The following GC variants were observed in gnomAD, a reference collection of about 807,000 sequenced individuals.
GC encodes vitamin D-binding protein.
A neutral mutation model predicts 56.7 loss-of-function variants in GC; 43 were observed. That is an observed-to-expected ratio of 0.76 (90% CI 0.59 to 0.98). GC has a LOEUF of 0.98. Among genes scored for constraint, GC ranks in the 50% least tolerant of loss-of-function variants. The pLI is 0.00. For synonymous variants in GC, 216 were observed against 202.7 expected (o/e 1.07, Z -0.56); for missense variants, 529 against 545.9 (o/e 0.97, Z 0.31).
chr4:71,768,488 A>G, intron 2 of GC, 55 bp from the exon 3 acceptor site: 1 of 1,428,444 alleles, frequency 7.0e-7, no homozygotes, highest in Non-Finnish European at 9.6e-7. Flanking sequence ...TTTTTTTTTG[A>G]GACGGAGTCT....
At chr4:71,760,250 C>T (rs1264027287) in intron 6 of GC, among the ~76,000 whole-genome samples, 1 of 148,368 alleles carries the variant, frequency 6.7e-6, no homozygotes, top group Non-Finnish European at 1.5e-5. Flanking sequence ...GACGGGGTTT[C>T]ATCGTGTTAG....
At chr4:71,750,027 CAATAA>C (rs1741495248) in intron 11 of GC, among the ~76,000 whole-genome samples, 1 of 151,896 alleles carries the variant, frequency 6.6e-6, no homozygotes, top group African/African-American at 2.4e-5. Flanking sequence ...AGGCACTGTA[CAATAA>C]AATAAAACAA....
intron 1 of GC, 172 bp from the exon 2 acceptor site, chr4:71,769,572 G>C (rs903109796): frequency 1.8e-6 from 1 of 554,628 alleles, no homozygotes; most frequent in African/African-American, 1.9e-5. Context: ...CTCATAACAG[G>C]CCACAATTTT....
At chr4:71,777,007 G>A (rs971092505) in intron 1 of GC, among the ~76,000 whole-genome samples, 5 of 151,824 alleles carry the variant, frequency 3.3e-5, no homozygotes, top group Admixed American at 6.6e-5. Context: ...TGCATTTGAA[G>A]TCCAACAGAT....
intron 1 of GC, among the ~76,000 whole-genome samples, chr4:71,798,980 T>C (rs138293569): frequency 8.9e-4 from 135 of 152,342 alleles, no homozygotes; most frequent in East Asian, 3.3e-3. Context: ...TCAATGGGTT[T>C]TGGTGTATTT....
At chr4:71,750,192 A>C (rs1741500729) in intron 11 of GC, among the ~76,000 whole-genome samples, 1 of 152,234 alleles carries the variant, frequency 6.6e-6, no homozygotes, top group Non-Finnish European at 1.5e-5. Context: ...TTGCGAACAG[A>C]GAATAGACAT....
intron 6 of GC, among the ~76,000 whole-genome samples, chr4:71,762,731 C>T (rs545547020): frequency 6.6e-6 from 1 of 152,222 alleles, no homozygotes; most frequent in East Asian, 1.9e-4. Context: ...GTTTTAAAAA[C>T]AGGAGTTTCT....
chr4:71,789,185 T>A (rs902724945), intron 1 of GC, among the ~76,000 whole-genome samples: 2 of 151,894 alleles, frequency 1.3e-5, no homozygotes, highest in South Asian at 4.2e-4. Context: ...TAAAATATAA[T>A]ATGTGAGAGA....
intron 4 of GC, 50 bp from the exon 5 acceptor site, chr4:71,763,986 TC>T: frequency 2.1e-6 from 3 of 1,455,416 alleles, no homozygotes; most frequent in Non-Finnish European, 2.9e-6. Context: ...ATAAACAAAA[TC>T]TACTTTTTTA....
chr4:71,744,398 G>A (rs1477852637), intron 12 of GC, among the ~76,000 whole-genome samples: 1 of 141,654 alleles, frequency 7.1e-6, no homozygotes, highest in Non-Finnish European at 1.5e-5. Flanking sequence ...GGCGGTGCTT[G>A]CAGCGAGCCG....
rs142583756 is a variant in GC at position 71,764,982 on chromosome 4, G to A, written c.473+450C>T. Among the ~76,000 whole-genome samples, 885 of 152,210 alleles carry A rather than the reference G, an allele frequency of 5.8e-3. 3 individuals are homozygous for A. Among genetic ancestry groups the A allele is most frequent in the Middle Eastern group, 0.014 (4 of 294 alleles). ...TGTAGTAGATGTGTCATATTTACAC[G>A]TACACGTCACATGTTTCTGGGATGT... On this transcript the variant is annotated intron_variant, in intron 4 of 12. Transcript: ENST00000273951.
intron 1 of GC, among the ~76,000 whole-genome samples, chr4:71,782,904 T>C (rs574172993): frequency 1.7e-4 from 26 of 151,886 alleles, no homozygotes; most frequent in African/African-American, 6.3e-4. Context: ...CCCTATGCTG[T>C]CTGGGAAAGA....
At chr4:71,756,449 G>A (rs1261961402) in intron 8 of GC, among the ~76,000 whole-genome samples, 4 of 152,140 alleles carry the variant, frequency 2.6e-5, no homozygotes, top group Non-Finnish European at 1.5e-5. Context: ...CCATGCACAG[G>A]AAACAGAGAA....
intron 1 of GC, among the ~76,000 whole-genome samples, chr4:71,799,286 GAGACAGAT>G (rs763721503): frequency 6.6e-5 from 10 of 152,142 alleles, no homozygotes; most frequent in Admixed American, 6.5e-5. Flanking sequence ...CCAGCTCAGC[GAGACAGAT>G]ATAACTGAGA....
At chr4:71,749,855 C>G (rs149763842) in intron 11 of GC, among the ~76,000 whole-genome samples, 2 of 152,120 alleles carry the variant, frequency 1.3e-5, no homozygotes, top group African/African-American at 4.8e-5. Context: ...CTCTCTTCAT[C>G]TGGAATTCTG....
rs562624248 is a variant in GC at position 71,790,205 on chromosome 4, C to G, written c.22-6151G>C. ...GTGCAAAAGTAATTGTGGTTTTTGCCATTAAAAGTCATGTTCTTATTTAGT... is the reference window on the plus strand; with the variant it reads ...GTGCAAAAGTAATTGTGGTTTTTGCGATTAAAAGTCATGTTCTTATTTAGT... On this transcript the variant is annotated intron_variant, in intron 1 of 13. Transcript: ENST00000504199. Among the ~76,000 whole-genome samples, 36 of 151,916 alleles carry G rather than the reference C, an allele frequency of 2.4e-4. 1 individual carries two copies. In the South Asian group the frequency reaches 7.0e-3, roughly 30 times the overall value.
intron 1 of GC, among the ~76,000 whole-genome samples, chr4:71,798,236 C>T (rs1743160666): frequency 6.6e-6 from 1 of 152,166 alleles, no homozygotes; most frequent in African/African-American, 2.4e-5. Context: ...ATTCTTCCAA[C>T]ATATTATCTT....
intron 1 of GC, among the ~76,000 whole-genome samples, chr4:71,795,332 T>A (rs1313988734): frequency 2.0e-5 from 3 of 152,156 alleles, no homozygotes; most frequent in Non-Finnish European, 4.4e-5. Flanking sequence ...CTTTGTGAAT[T>A]TCAGTGCCCC....
chr4:71,752,082 G>A (rs1036406594), intron 11 of GC, among the ~76,000 whole-genome samples: 3 of 151,902 alleles, frequency 2.0e-5, no homozygotes, highest in Admixed American at 1.3e-4. Flanking sequence ...ATATGCATAT[G>A]TATGTATCTA....
Sources: allele counts gnomAD v4.1 joint callset (sites outside exome capture counted in the v4.1 genomes callset), GRCh38; gene constraint gnomAD v4.1.1; transcripts MANE v1.5; gene names NCBI Gene and HGNC (gene_info 2026-07-23, HGNC 2026-07-21).